Variants in CDKAL1 observed in about 807,000 individuals in gnomAD.
CDKAL1 encodes CDKAL1 threonylcarbamoyladenosine tRNA methylthiotransferase.
CDKAL1 carries 32 observed loss-of-function variants against 68.2 expected under a neutral mutation model. The ratio of observed to expected loss-of-function variants is 0.47; its 90% CI spans 0.35 to 0.63. The LOEUF is 0.63. Ranked by LOEUF, CDKAL1 falls within the 30% of genes least tolerant of loss-of-function variation. The probability of loss-of-function intolerance (pLI) is 0.00; values close to 1 mark genes in which losing one functional copy is unlikely to be tolerated. For synonymous variants in CDKAL1, 234 were observed against 244.3 expected (o/e 0.96, Z 0.39); for missense variants, 606 against 696.7 (o/e 0.87, Z 1.47).
chr6:20,828,963 T>A (rs909617460), intron 8 of CDKAL1, among the ~76,000 whole-genome samples: 1 of 152,186 alleles, frequency 6.6e-6, no homozygotes, highest in East Asian at 1.9e-4. Context: ...TGACTGGCTT[T>A]TTTCAGCTCG....
intron 10 of CDKAL1, among the ~76,000 whole-genome samples, chr6:20,965,842 T>A (rs1016409412): frequency 1.3e-5 from 2 of 152,204 alleles, no homozygotes; most frequent in Non-Finnish European, 2.9e-5. Flanking sequence ...AGGAAGTCAG[T>A]TATGCTCAAA....
intron 8 of CDKAL1, among the ~76,000 whole-genome samples, chr6:20,796,147 T>A (rs906811130): frequency 2.6e-5 from 4 of 152,144 alleles, no homozygotes; most frequent in African/African-American, 9.7e-5. Flanking sequence ...CTGGAACTCA[T>A]AAGTGAATAT....
intron 6 of CDKAL1, among the ~76,000 whole-genome samples, chr6:20,750,672 C>T (rs1561744445): frequency 6.6e-6 from 1 of 151,902 alleles, no homozygotes; most frequent in Non-Finnish European, 1.5e-5. Flanking sequence ...TCAGAAATAA[C>T]AGTACTATCA....
At chr6:20,622,961 C>CTA (rs939542802) in intron 4 of CDKAL1, among the ~76,000 whole-genome samples, 1 of 151,958 alleles carries the variant, frequency 6.6e-6, no homozygotes, top group African/African-American at 2.4e-5. Context: ...AAAAGGGAAA[C>CTA]TACTTTTCTT....
chr6:20,787,412 A>T (rs1448479474), intron 8 of CDKAL1, among the ~76,000 whole-genome samples: 2 of 152,178 alleles, frequency 1.3e-5, no homozygotes, highest in Non-Finnish European at 2.9e-5. Context: ...GGATATTTCA[A>T]ACTCATTATT....
At chr6:20,704,151 A>G (rs558241916) in intron 5 of CDKAL1, among the ~76,000 whole-genome samples, 1 of 152,122 alleles carries the variant, frequency 6.6e-6, no homozygotes, top group Non-Finnish European at 1.5e-5. Flanking sequence ...AGAGAAACAA[A>G]CAAACATTCC....
intron 13 of CDKAL1, among the ~76,000 whole-genome samples, chr6:21,134,466 T>C (rs1023769816): frequency 6.6e-6 from 1 of 152,236 alleles, no homozygotes; most frequent in Non-Finnish European, 1.5e-5. Flanking sequence ...ATAAAAGCAC[T>C]GTATTCTGTG....
At chr6:20,631,286 A>G (rs533366290) in intron 4 of CDKAL1, among the ~76,000 whole-genome samples, 9 of 152,200 alleles carry the variant, frequency 5.9e-5, no homozygotes, top group Non-Finnish European at 1.2e-4. Context: ...CATTGGCCTT[A>G]ACATGAGTTC....
At chr6:21,006,377 C>T (rs535218352) in intron 11 of CDKAL1, among the ~76,000 whole-genome samples, 1 of 152,242 alleles carries the variant, frequency 6.6e-6, no homozygotes, top group East Asian at 1.9e-4. Flanking sequence ...AGATGTGTTT[C>T]TGTTCACTAA....
chr6:20,625,499 C>G (rs1045895653), intron 4 of CDKAL1, among the ~76,000 whole-genome samples: 1 of 152,072 alleles, frequency 6.6e-6, no homozygotes, highest in Non-Finnish European at 1.5e-5. Context: ...CTGAATATCT[C>G]TTTAACTTAT....
intron 4 of CDKAL1, among the ~76,000 whole-genome samples, chr6:20,551,978 C>T (rs1763851584): frequency 6.6e-6 from 1 of 151,258 alleles, no homozygotes. Flanking sequence ...GTCCTTCTAC[C>T]TCAGCCTCCC....
At position 21,197,051 on chromosome 6, in the gene CDKAL1, G is replaced by A. The variant is rs552481486; in HGVS notation, c.1300-970G>A. 3.3e-5 allele frequency among the ~76,000 whole-genome samples: 5 copies of A among 152,024 alleles called. No homozygotes were observed. In the East Asian group the frequency reaches 7.8e-4, roughly 24 times the overall value. On this transcript the variant is annotated intron_variant, in intron 13 of 15. Coordinates refer to ENST00000274695, the MANE Select transcript of CDKAL1 (RefSeq NM_017774.3). ...CGCATGCCTGTAATCCCAGCTACTCGGGAGGCTGAGGCAGAAGAATCGTTT... is the reference window on the plus strand; with the variant it reads ...CGCATGCCTGTAATCCCAGCTACTCAGGAGGCTGAGGCAGAAGAATCGTTT...
At chr6:20,601,709 A>G (rs1766103540) in intron 4 of CDKAL1, among the ~76,000 whole-genome samples, 1 of 152,222 alleles carries the variant, frequency 6.6e-6, no homozygotes, top group Non-Finnish European at 1.5e-5. Context: ...AGAATTGCAG[A>G]TGAGAAAAGA....
At chr6:20,544,016 G>A (rs1763489520) in intron 2 of CDKAL1, among the ~76,000 whole-genome samples, 1 of 151,982 alleles carries the variant, frequency 6.6e-6, no homozygotes, top group Non-Finnish European at 1.5e-5. Context: ...GGGATTATAG[G>A]TGTGAGCCAC....
intron 5 of CDKAL1, among the ~76,000 whole-genome samples, chr6:20,733,567 G>T (rs1773054484): frequency 6.6e-6 from 1 of 152,122 alleles, no homozygotes; most frequent in African/African-American, 2.4e-5. Flanking sequence ...TTCCCACCCA[G>T]GTTTCCAATC....
chr6:21,025,047 A>G (rs1300837019), intron 11 of CDKAL1, among the ~76,000 whole-genome samples: 3 of 152,226 alleles, frequency 2.0e-5, no homozygotes, highest in Non-Finnish European at 2.9e-5. Context: ...TACTTAGACT[A>G]AAAATGTATT....
At chr6:20,759,932 C>A (rs1407201323) in intron 7 of CDKAL1, among the ~76,000 whole-genome samples, 2 of 151,928 alleles carry the variant, frequency 1.3e-5, no homozygotes, top group East Asian at 3.9e-4. Flanking sequence ...TTTTAAAAAA[C>A]CATATAGTCT....
intron 9 of CDKAL1, among the ~76,000 whole-genome samples, chr6:20,882,819 A>G (rs1361380696): frequency 6.6e-6 from 1 of 152,086 alleles, no homozygotes; most frequent in Non-Finnish European, 1.5e-5. Flanking sequence ...TTTCATTTTC[A>G]TGTAGTCTTT....
At chr6:21,221,664 A>G (rs1231599273) in intron 15 of CDKAL1, among the ~76,000 whole-genome samples, 1 of 152,206 alleles carries the variant, frequency 6.6e-6, no homozygotes, top group African/African-American at 2.4e-5. Flanking sequence ...GGGGGAAAAA[A>G]GCCTGTTCTA....
Sources: gnomAD v4.1 joint callset for allele counts (sites outside exome capture counted in the v4.1 genomes callset) on GRCh38, gnomAD v4.1.1 for gene constraint, MANE v1.5 for transcripts, NCBI Gene and HGNC (gene_info 2026-07-23, HGNC 2026-07-21) for gene names.